Variants in DENND4A observed in about 807,000 individuals in gnomAD.
DENND4A encodes the protein C-myc promoter-binding protein.
In DENND4A, 70 loss-of-function variants were observed where a neutral mutation model predicts 199.3. The observed-to-expected ratio is 0.35, with a 90% CI of 0.29 to 0.43. DENND4A has a LOEUF of 0.43. DENND4A is among the 20% of genes least tolerant of loss of function. DENND4A has a pLI of 1.00. For missense variants in DENND4A, 1,723 were observed against 2,255.8 expected, an observed-to-expected ratio of 0.76 and a Z score of 4.78; for synonymous variants, 686 against 766.9, an observed-to-expected ratio of 0.89 and a Z score of 1.74.
chr15:65,761,044 T>C (rs2076839129), intron 2 of DENND4A, among the ~76,000 whole-genome samples: 1 of 152,228 alleles, frequency 6.6e-6, no homozygotes, highest in Admixed American at 6.5e-5. Flanking sequence ...TTTCATTAGT[T>C]CTTTTGGGTA....
At position 65,701,094 on chromosome 15, in the gene DENND4A, T is replaced by C; in HGVS notation, c.2658A>G (p.Arg886=). 6.2e-7 allele frequency: 1 copy of C among 1,609,608 alleles called. No individual in the cohort carries two copies. Among genetic ancestry groups the C allele is most frequent in the Non-Finnish European group, 8.5e-7 (1 of 1,178,618 alleles). Reference sequence around the variant, plus strand: ...ATAAGTGTGCATGCTTCTTTAAAGCTCTTTTGAACTGTGTTACTCCTAAAA... The same window carrying C: ...ATAAGTGTGCATGCTTCTTTAAAGCCCTTTTGAACTGTGTTACTCCTAAAA... ...NVVLGVTQFK[R]ALKKHAHLSQ... Residue 886 remains arginine, a synonymous_variant, in exon 19 of 33, where the codon AGA becomes AGG. Coordinates refer to ENST00000443035, the MANE Select transcript of DENND4A (RefSeq NM_001320835.1).
chr15:65,785,977 C>A (rs1219643873), intron 1 of DENND4A, among the ~76,000 whole-genome samples: 1 of 151,940 alleles, frequency 6.6e-6, no homozygotes, highest in Non-Finnish European at 1.5e-5. Flanking sequence ...ATTTGATAAC[C>A]CTAACTGCTG....
intron 15 of DENND4A, 103 bp downstream of exon 15, chr15:65,705,988 G>A (rs916410974): frequency 1.0e-5 from 14 of 1,369,314 alleles, no homozygotes; most frequent in Non-Finnish European, 1.3e-5. Flanking sequence ...TTAGGGATCT[G>A]TAAAGTTTGG....
chr15:65,692,578 T>C (rs955577672), intron 22 of DENND4A, among the ~76,000 whole-genome samples: 2 of 152,180 alleles, frequency 1.3e-5, no homozygotes, highest in Non-Finnish European at 2.9e-5. Context: ...TAAGAGTGGA[T>C]ACTAGAGGTC....
intron 1 of DENND4A, among the ~76,000 whole-genome samples, chr15:65,764,437 C>T (rs901541515): frequency 1.3e-5 from 2 of 152,030 alleles, no homozygotes; most frequent in African/African-American, 4.8e-5. Context: ...TTGAGACCAG[C>T]CTAGCCAACA....
At chr15:65,669,718 T>C in intron 27 of DENND4A, 61 bp downstream of exon 27, 1 of 1,420,932 alleles carries the variant, frequency 7.0e-7, no homozygotes, top group Admixed American at 2.3e-5. Flanking sequence ...TTTTCTGTCA[T>C]ACTTCTAAAA....
chr15:65,753,456 T>G (rs1350456565), intron 3 of DENND4A, among the ~76,000 whole-genome samples: 3 of 152,100 alleles, frequency 2.0e-5, no homozygotes, highest in Non-Finnish European at 4.4e-5. Flanking sequence ...CCTCCAATGT[T>G]CAAGCGATTC....
chr15:65,711,500 A>G (rs2142318623), intron 14 of DENND4A, among the ~76,000 whole-genome samples: 1 of 152,272 alleles, frequency 6.6e-6, no homozygotes, highest in East Asian at 1.9e-4. Context: ...CTCAAAAATA[A>G]AAAATAATAA....
chr15:65,771,193 G>A (rs2727100), intron 1 of DENND4A: 319,210 of 1,602,892 alleles, frequency 0.2, 39,875 homozygotes, highest in East Asian at 0.7. Context: ...TATAAAGACC[G>A]GTAAGCCGCT....
chr15:65,686,651 C>T (rs1038147778), intron 23 of DENND4A, among the ~76,000 whole-genome samples: 3 of 152,134 alleles, frequency 2.0e-5, no homozygotes, highest in Admixed American at 6.5e-5. Context: ...AGACCTCCCA[C>T]CTCAACCTCC....
chr15:65,724,108 A>G (rs1406617879), intron 11 of DENND4A, among the ~76,000 whole-genome samples: 2 of 151,766 alleles, frequency 1.3e-5, no homozygotes, highest in African/African-American at 4.8e-5. Flanking sequence ...CCAAGGGTGG[A>G]GTGCAGTGGC....
intron 4 of DENND4A, among the ~76,000 whole-genome samples, chr15:65,746,540 C>A (rs913360458): frequency 9.2e-5 from 14 of 151,496 alleles, no homozygotes; most frequent in South Asian, 6.3e-4. Context: ...GTGTGCACTA[C>A]CAGGCCTGGC....
chr15:65,718,769 T>G (rs1479612102), intron 12 of DENND4A, among the ~76,000 whole-genome samples: 9 of 122,102 alleles, frequency 7.4e-5, no homozygotes, highest in Non-Finnish European at 1.3e-4. Flanking sequence ...CCTTTTTTTT[T>G]TTTTTTTTTT....
At chr15:65,734,018 A>T (rs1292733328) in intron 7 of DENND4A, among the ~76,000 whole-genome samples, 1 of 152,206 alleles carries the variant, frequency 6.6e-6, no homozygotes, top group Non-Finnish European at 1.5e-5. Context: ...TGATAGTCTG[A>T]AATATGGCCT....
intron 24 of DENND4A, among the ~76,000 whole-genome samples, chr15:65,673,225 C>G (rs1157478406): frequency 1.3e-5 from 2 of 151,552 alleles, no homozygotes; most frequent in Admixed American, 1.3e-4. Context: ...CGCCTGTAAT[C>G]CCAGCACTTT....
At chr15:65,762,191 G>A (rs34247436) in intron 1 of DENND4A, among the ~76,000 whole-genome samples, 1,957 of 152,248 alleles carry the variant, frequency 0.013, 11 homozygotes, top group Non-Finnish European at 0.018. Context: ...ATTTTCAGTA[G>A]AGACCAGGTT....
chr15:65,708,409 A>T (rs2142277696), intron 14 of DENND4A, among the ~76,000 whole-genome samples: 1 of 152,244 alleles, frequency 6.6e-6, no homozygotes, highest in East Asian at 1.9e-4. Context: ...GTTCTCATAG[A>T]AAAGTGTGGG....
intron 15 of DENND4A, among the ~76,000 whole-genome samples, chr15:65,705,565 C>T (rs972161970): frequency 1.3e-5 from 2 of 151,946 alleles, no homozygotes; most frequent in African/African-American, 2.4e-5. Context: ...AACCAAATTC[C>T]CTAAATTAAC....
intron 8 of DENND4A, 131 bp downstream of exon 8, chr15:65,732,621 G>A (rs1228729569): frequency 3.6e-6 from 2 of 558,862 alleles, no homozygotes; most frequent in Admixed American, 6.1e-5. Context: ...ACTACAACAG[G>A]TAATAGTATC....
Sources: gnomAD v4.1 joint callset for allele counts (sites outside exome capture counted in the v4.1 genomes callset) on GRCh38, gnomAD v4.1.1 for gene constraint, MANE v1.5 for transcripts, NCBI Gene and HGNC (gene_info 2026-07-23, HGNC 2026-07-21) for gene names.